SRGAP1: variants seen among roughly 807,000 people sequenced by gnomAD.
The protein encoded by SRGAP1 is SLIT-ROBO Rho GTPase activating protein 1, also known as SLIT-ROBO Rho GTPase-activating protein 1.
Under a neutral mutation model 121.9 loss-of-function variants are expected in SRGAP1, and 43 were observed. The observed-to-expected ratio is 0.35, with a 90% CI of 0.28 to 0.46. The LOEUF (loss-of-function observed/expected upper bound fraction) is 0.46. Ranked by LOEUF, SRGAP1 falls within the 20% of genes least tolerant of loss-of-function variation. The pLI, the probability that SRGAP1 is intolerant of heterozygous loss-of-function variation, is 1.00. For synonymous variants in SRGAP1, 447 were observed against 485.4 expected (o/e 0.92, Z 1.04); for missense variants, 1,102 against 1,350.9 (o/e 0.82, Z 2.89).
intron 12 of SRGAP1, 108 bp downstream of exon 12, chr12:64,091,486 T>C: frequency 1.5e-6 from 1 of 667,008 alleles, no homozygotes; most frequent in Non-Finnish European, 2.4e-6. Context: ...GTCCTGGGGC[T>C]CTTTGCTTTC....
intron 4 of SRGAP1, 150 bp from the exon 5 acceptor site, chr12:64,042,640 C>T (rs138942207): frequency 7.0e-4 from 385 of 552,868 alleles, no homozygotes; most frequent in African/African-American, 6.4e-3. Context: ...AGCAGTAGTC[C>T]ATAATTCACT....
intron 3 of SRGAP1, among the ~76,000 whole-genome samples, chr12:64,009,624 T>C (rs2034193940): frequency 6.6e-6 from 1 of 152,128 alleles, no homozygotes; most frequent in Admixed American, 6.6e-5. Flanking sequence ...CATCAGTAAT[T>C]GTAAGAGATG....
In SRGAP1 at chr12:64,143,704, GGTT is replaced by G. The variant is rs3057146; in HGVS notation, c.*1033_*1035del. The G allele has an allele frequency of 0.24, 36,750 of 151,034 alleles. 4,821 individuals are homozygous for G. The highest frequency in any genetic ancestry group is 0.58 in the East Asian group (2,973 of 5,140). The allele number at this position is 151,034 out of a possible 1,614,324, so 9.4% of individuals were successfully genotyped here. ...CACCTGTACTCCCAGCTACTCGGGT[GGTT>G]TACACAGGAGGATGGCTTTGGGCCT... On this transcript the variant is annotated 3_prime_UTR_variant, in exon 22 of 22. Transcript: ENST00000355086.
intron 1 of SRGAP1, among the ~76,000 whole-genome samples, chr12:63,846,420 G>T (rs1898903784): frequency 6.6e-6 from 1 of 152,096 alleles, no homozygotes; most frequent in Admixed American, 6.5e-5. Context: ...AGGGGTGGCG[G>T]TCTGGTTTTT....
At chr12:64,003,478 GAAAAAAA>G in intron 3 of SRGAP1, among the ~76,000 whole-genome samples, 1 of 42,802 alleles carries the variant, frequency 2.3e-5, no homozygotes, top group East Asian at 8.0e-4. Context: ...GGAAGTTTCA[GAAAAAAA>G]AAAAAAAAAA....
chr12:64,027,165 C>T lies in SRGAP1; in HGVS notation c.489+10153C>T, dbSNP rs1401930583. Among the ~76,000 whole-genome samples, 4 of 152,116 alleles carry T rather than the reference C, an allele frequency of 2.6e-5. 1 individual carries two copies. Among genetic ancestry groups the T allele is most frequent in the African/African-American group, 9.7e-5 (4 of 41,380 alleles). On this transcript the variant is annotated intron_variant, in intron 4 of 21. Transcript: ENST00000355086. ...GCCAGACACTATTCTAAGCACTTTACATAATTAGTTCTTTATATTTTCCCA... is the reference window on the plus strand; with the variant it reads ...GCCAGACACTATTCTAAGCACTTTATATAATTAGTTCTTTATATTTTCCCA...
chr12:64,113,407 CA>C (rs1391718264), intron 17 of SRGAP1, among the ~76,000 whole-genome samples: 1 of 151,088 alleles, frequency 6.6e-6, no homozygotes, highest in Non-Finnish European at 1.5e-5. Flanking sequence ...GATTCTGTCT[CA>C]AAAAAATAAA....
At chr12:63,931,866 G>T (rs1451873606) in intron 1 of SRGAP1, among the ~76,000 whole-genome samples, 2 of 152,270 alleles carry the variant, frequency 1.3e-5, no homozygotes, top group African/African-American at 4.8e-5. Flanking sequence ...AGGAATGAGG[G>T]CTGGAAAGTA....
intron 1 of SRGAP1, among the ~76,000 whole-genome samples, chr12:63,890,780 C>T (rs1164657015): frequency 6.6e-6 from 1 of 152,166 alleles, no homozygotes; most frequent in Non-Finnish European, 1.5e-5. Flanking sequence ...GATAGGCTGT[C>T]TGCCTGGTCC....
intron 21 of SRGAP1, among the ~76,000 whole-genome samples, chr12:64,132,858 G>T (rs1274711890): frequency 2.6e-5 from 4 of 152,262 alleles, no homozygotes; most frequent in Non-Finnish European, 4.4e-5. Context: ...GGACAGTAAA[G>T]GTATATTGCT....
chr12:63,926,569 T>C (rs1441999553), intron 1 of SRGAP1, among the ~76,000 whole-genome samples: 1 of 152,190 alleles, frequency 6.6e-6, no homozygotes, highest in Admixed American at 6.5e-5. Flanking sequence ...ATTATTTTTG[T>C]TTGACAAATC....
intron 3 of SRGAP1, among the ~76,000 whole-genome samples, chr12:64,009,610 A>G (rs987851992): frequency 1.3e-5 from 2 of 152,134 alleles, no homozygotes; most frequent in African/African-American, 4.8e-5. Context: ...TTGTCCAGCA[A>G]TTACATCAGT....
chr12:64,149,623 G>T lies in SRGAP1; in HGVS notation c.*6951G>T, dbSNP rs1197294736. The T allele has an allele frequency of 6.6e-6, 1 of 152,190 alleles. No homozygotes were observed. Among genetic ancestry groups the T allele is most frequent in the Non-Finnish European group, 1.5e-5 (1 of 68,032 alleles). 9.4% of individuals were successfully genotyped at this position (152,190 alleles called of 1,614,324 possible). A position where few individuals can be genotyped will look rare whatever the true frequency, so the allele number is the denominator to read the frequency against. ...GAGTCCCAACGGGGTGTAACTGGTC[G>T]TCAGTTCCCACAGTTCATATGCCTG... On this transcript the variant is annotated 3_prime_UTR_variant, in exon 22 of 22. Transcript: ENST00000355086.
At position 64,080,399 on chromosome 12, in the gene SRGAP1, G is replaced by A. The variant is rs573006106; in HGVS notation, c.1408+29G>A. On this transcript the variant is annotated intron_variant, in intron 10 of 21. Transcript: ENST00000355086. The stretch of plus-strand genomic sequence containing the variant: ...AGTTATCCAAAATGTATGGGAAGAT[G>A]ACCTGGATGATACATCGTATCATGT... 8.0e-6 allele frequency: 12 copies of A among 1,495,216 alleles called. No homozygotes were observed. In the African/African-American group the frequency reaches 1.5e-4, roughly 19 times the overall value. 92.6% of individuals were successfully genotyped at this position (1,495,216 alleles called of 1,614,324 possible).
chr12:63,936,588 G>A (rs1191151550), intron 1 of SRGAP1, among the ~76,000 whole-genome samples: 1 of 152,172 alleles, frequency 6.6e-6, no homozygotes, highest in Non-Finnish European at 1.5e-5. Context: ...CAGTAGACAA[G>A]TGTAGACAGT....
At chr12:64,028,831 C>A (rs2136483847) in intron 4 of SRGAP1, among the ~76,000 whole-genome samples, 1 of 152,300 alleles carries the variant, frequency 6.6e-6, no homozygotes, top group Middle Eastern at 3.4e-3. Flanking sequence ...GTGGTGGACA[C>A]AAACGTTCAG....
At chr12:64,027,717 A>G (rs905365516) in intron 4 of SRGAP1, among the ~76,000 whole-genome samples, 2 of 152,186 alleles carry the variant, frequency 1.3e-5, no homozygotes, top group African/African-American at 4.8e-5. Context: ...TGCAAACTCA[A>G]AAAGCTCTCT....
intron 21 of SRGAP1, among the ~76,000 whole-genome samples, chr12:64,130,542 A>T (rs568953954): frequency 6.6e-6 from 1 of 152,184 alleles, no homozygotes; most frequent in African/African-American, 2.4e-5. Context: ...GAGCATACAC[A>T]GCCTTCTGGG....
At chr12:64,103,577 C>A (rs985425062) in intron 15 of SRGAP1, among the ~76,000 whole-genome samples, 1 of 152,124 alleles carries the variant, frequency 6.6e-6, no homozygotes. Flanking sequence ...ATAAAAATTT[C>A]TTTCAGCTTT....
Sources: allele counts gnomAD v4.1 joint callset (sites outside exome capture counted in the v4.1 genomes callset), GRCh38; gene constraint gnomAD v4.1.1; transcripts MANE v1.5; gene names NCBI Gene and HGNC (gene_info 2026-07-23, HGNC 2026-07-21).